CCDC18: variants seen among roughly 807,000 people sequenced by gnomAD.
CCDC18 encodes the protein coiled-coil domain-containing protein 18.
Under a neutral mutation model 196.0 loss-of-function variants are expected in CCDC18, and 157 were observed. The observed-to-expected ratio is 0.80, with a 90% CI of 0.70 to 0.91. CCDC18 has a LOEUF of 0.91. CCDC18 is among the 40% of genes least tolerant of loss of function. The pLI is 0.00. For missense variants in CCDC18, 1,465 were observed against 1,611.6 expected (o/e 0.91, Z 1.56); for synonymous variants, 482 against 529.2 (o/e 0.91, Z 1.22).
chr1:93,277,718 T>C (rs1665697126), intron 28 of CCDC18, among the ~76,000 whole-genome samples: 3 of 151,998 alleles, frequency 2.0e-5, no homozygotes, highest in South Asian at 2.1e-4. Context: ...ACAGACACAG[T>C]AACAATCTGA....
chr1:93,258,361 CATAA>C (rs1360384030), intron 25 of CCDC18, among the ~76,000 whole-genome samples: 1 of 151,956 alleles, frequency 6.6e-6, no homozygotes, highest in African/African-American at 2.4e-5. Context: ...GCTAAATTAG[CATAA>C]ATAAGTTTGA....
In CCDC18 at chr1:93,258,767, T is replaced by TA. The variant is rs1663380158; in HGVS notation, c.3567dup (p.Ala1190SerfsTer2). ...TTTAAGGATGCTCATGGAAACCATT[T>TA]AGCTGAAGAACTGGGGGCTTCTAAA... On this transcript the variant is annotated frameshift_variant, in exon 26 of 29. Coordinates refer to ENST00000690025, the MANE Select transcript of CCDC18 (RefSeq NM_001378204.1). LOFTEE classifies it high-confidence loss of function. 1 of 1,565,684 alleles carries TA rather than the reference T, an allele frequency of 6.4e-7. No individual in the cohort carries two copies. Among genetic ancestry groups the TA allele is most frequent in the Admixed American group, 2.0e-5 (1 of 50,740 alleles).
chr1:93,265,853 T>A (rs1213225036), intron 27 of CCDC18, among the ~76,000 whole-genome samples: 2 of 152,124 alleles, frequency 1.3e-5, no homozygotes, highest in Non-Finnish European at 2.9e-5. Flanking sequence ...TGGGAGACTT[T>A]AACACCCCAC....
intron 6 of CCDC18, among the ~76,000 whole-genome samples, chr1:93,200,856 G>T (rs765875781): frequency 8.5e-5 from 13 of 152,228 alleles, no homozygotes; most frequent in Non-Finnish European, 1.3e-4. Flanking sequence ...AAGGATAATA[G>T]AGGAAAGCAC....
At chr1:93,213,221 G>A (rs534768959) in intron 11 of CCDC18, among the ~76,000 whole-genome samples, 3 of 152,080 alleles carry the variant, frequency 2.0e-5, no homozygotes, top group South Asian at 2.1e-4. Flanking sequence ...GTACCAGTCC[G>A]TGGCCCAGGG....
chr1:93,210,331 T>C (rs1380167262), intron 9 of CCDC18, among the ~76,000 whole-genome samples: 1 of 152,198 alleles, frequency 6.6e-6, no homozygotes, highest in African/African-American at 2.4e-5. Context: ...ACATATTGTC[T>C]TATCAACTCT....
In CCDC18 at chr1:93,214,258, C is replaced by T. The variant is rs141007468; in HGVS notation, c.1496-485C>T. Among the ~76,000 whole-genome samples the T allele has an allele frequency of 3.9e-5, 6 of 152,194 alleles. No individual in the cohort carries two copies. The East Asian group carries it at 9.7e-4, about 25-fold the overall frequency. ...TTTTTTTAAAGCATCACTGAATTCTCATTAGCTAGTTTGGAGAGAAAGACG... is the reference window on the plus strand; with the variant it reads ...TTTTTTTAAAGCATCACTGAATTCTTATTAGCTAGTTTGGAGAGAAAGACG... On this transcript the variant is annotated intron_variant, in intron 11 of 28. Coordinates refer to ENST00000690025, the MANE Select transcript of CCDC18 (RefSeq NM_001378204.1).
At chr1:93,183,590 C>A in intron 2 of CCDC18, 95 bp downstream of exon 2, 2 of 846,310 alleles carry the variant, frequency 2.4e-6, no homozygotes, top group African/African-American at 1.8e-5. Flanking sequence ...TTCTAACCTG[C>A]CTCTGGAATA....
chr1:93,255,611 C>T (rs1645550579), intron 24 of CCDC18, among the ~76,000 whole-genome samples: 1 of 152,110 alleles, frequency 6.6e-6, no homozygotes, highest in Non-Finnish European at 1.5e-5. Context: ...TGATGCATGC[C>T]TGTGGTCCCA....
At chr1:93,262,005 C>G (rs1466588727) in intron 26 of CCDC18, among the ~76,000 whole-genome samples, 1 of 152,154 alleles carries the variant, frequency 6.6e-6, no homozygotes, top group Non-Finnish European at 1.5e-5. Context: ...GCATGTCTTA[C>G]ATGGCAGCAG....
At chr1:93,259,515 G>GT (rs901438929) in intron 26 of CCDC18, among the ~76,000 whole-genome samples, 3 of 152,124 alleles carry the variant, frequency 2.0e-5, no homozygotes, top group South Asian at 4.1e-4. Flanking sequence ...CTAATAAAGC[G>GT]TTTTTTCTAA....
intron 12 of CCDC18, 93 bp downstream of exon 12, chr1:93,215,059 C>A (rs1656261005): frequency 5.2e-6 from 4 of 765,428 alleles, no homozygotes; most frequent in African/African-American, 1.8e-5. Context: ...ATGTTTACAT[C>A]CAGATTTAAA....
chr1:93,218,804 G>T (rs1388021820), intron 14 of CCDC18, among the ~76,000 whole-genome samples: 1 of 151,698 alleles, frequency 6.6e-6, no homozygotes, highest in South Asian at 2.1e-4. Context: ...GAGCCACTGC[G>T]CCCAGCCTCC....
chr1:93,263,436 A>G (rs1054621847), intron 26 of CCDC18, among the ~76,000 whole-genome samples: 1 of 152,068 alleles, frequency 6.6e-6, no homozygotes, highest in Non-Finnish European at 1.5e-5. Flanking sequence ...TCACCTCTTG[A>G]ATCCTTAAAA....
At chr1:93,211,255 GCAA>G (rs1655594240) in intron 10 of CCDC18, among the ~76,000 whole-genome samples, 1 of 143,044 alleles carries the variant, frequency 7.0e-6, no homozygotes, top group South Asian at 2.3e-4. Flanking sequence ...TCCAGCCTGA[GCAA>G]CAGAGTGAGA....
upstream of CCDC18, chr1:93,180,121 G>A (rs747046165): frequency 2.5e-5 from 40 of 1,613,814 alleles, no homozygotes; most frequent in Non-Finnish European, 3.4e-5. Flanking sequence ...CTGGCCGGCG[G>A]GAAGGGTAAA....
At chr1:93,268,811 C>A (rs1664892208) in intron 27 of CCDC18, among the ~76,000 whole-genome samples, 1 of 151,804 alleles carries the variant, frequency 6.6e-6, no homozygotes, top group Non-Finnish European at 1.5e-5. Context: ...ACTAGGAACA[C>A]TTTTACACTG....
chr1:93,210,813 A>G lies in CCDC18; in HGVS notation c.1221A>G (p.Glu407=). 6.3e-7 allele frequency: 1 copy of G among 1,594,610 alleles called. No individual in the cohort carries two copies. The highest frequency in any genetic ancestry group is 1.1e-5 in the South Asian group (1 of 90,420). Residue 407 remains glutamate (E), a synonymous_variant, in exon 10 of 29, where the codon GAA becomes GAG. Coordinates refer to ENST00000690025, the MANE Select transcript of CCDC18 (RefSeq NM_001378204.1). Reference sequence around the variant, plus strand: ...TTTTAAACTTGCAGTTAAAAAGAGAATTATTTGGCTTTAAATCATATCTTT... The same window carrying G: ...TTTTAAACTTGCAGTTAAAAAGAGAGTTATTTGGCTTTAAATCATATCTTT... ...KIISQLPLKR[E]LFGFKSYLSK...
At position 93,259,688 on chromosome 1, in the gene CCDC18, A is replaced by G. The variant is rs114260866; in HGVS notation, c.3684+803A>G. Among the ~76,000 whole-genome samples the G allele has an allele frequency of 4.6e-3, 696 of 152,330 alleles. 2 individuals carry two copies. Among genetic ancestry groups the G allele is most frequent in the African/African-American group, 0.015 (633 of 41,566 alleles). On this transcript the variant is annotated intron_variant, in intron 26 of 28. Coordinates refer to ENST00000690025, the MANE Select transcript of CCDC18 (RefSeq NM_001378204.1). ...TGCCTGCCAAACAAAACATATTTACAAGCTGAATCTAATCCTAAGGCTAAG... is the reference window on the plus strand; with the variant it reads ...TGCCTGCCAAACAAAACATATTTACGAGCTGAATCTAATCCTAAGGCTAAG...
Sources: gnomAD v4.1 joint callset for allele counts (sites outside exome capture counted in the v4.1 genomes callset) on GRCh38, gnomAD v4.1.1 for gene constraint, MANE v1.5 for transcripts, NCBI Gene and HGNC (gene_info 2026-07-23, HGNC 2026-07-21) for gene names.